RPSA2: variants seen among roughly 807,000 people sequenced by gnomAD.
RPSA2 encodes ribosomal protein SA 2.
the RPSA2 span, chr19:23,833,325 C>G: frequency 1.9e-6 from 1 of 514,090 alleles, no homozygotes; most frequent in Middle Eastern, 8.8e-4. Context: ...TGTGTCAAAG[C>G]CTATAAAAAG....
chr19:23,862,092 C>T, the RPSA2 span, among the ~76,000 whole-genome samples: 9 of 152,058 alleles, frequency 5.9e-5, no homozygotes, highest in Non-Finnish European at 1.0e-4. Context: ...AGGTCCTTCA[C>T]GTCCCTTGTA....
chr19:23,760,958 C>G, the RPSA2 span, among the ~76,000 whole-genome samples: 1 of 150,622 alleles, frequency 6.6e-6, no homozygotes, highest in African/African-American at 2.4e-5. Flanking sequence ...AGCTACCATG[C>G]CTGGCAAACA....
chr19:23,850,817 A>C, the RPSA2 span, among the ~76,000 whole-genome samples: 2 of 152,138 alleles, frequency 1.3e-5, no homozygotes, highest in Non-Finnish European at 2.9e-5. Context: ...GAAAGTTTGA[A>C]GTAAACAATG....
chr19:23,833,108 A>T, the RPSA2 span: 2 of 1,249,794 alleles, frequency 1.6e-6, no homozygotes, highest in Middle Eastern at 2.3e-4. Flanking sequence ...TTTACTAAAC[A>T]TAAGGTAATT....
At chr19:23,802,011 A>T in the RPSA2 span, among the ~76,000 whole-genome samples, 4 of 152,242 alleles carry the variant, frequency 2.6e-5, no homozygotes, top group Admixed American at 2.0e-4. Context: ...GAATCTGCAC[A>T]TAAGGTCTGG....
the RPSA2 span, chr19:23,832,299 A>T: frequency 2.2e-6 from 1 of 462,736 alleles, no homozygotes. Flanking sequence ...CTAGAGGGAA[A>T]CATTACAAGT....
chr19:23,799,245 G>A, the RPSA2 span: 1 of 151,936 alleles, frequency 6.6e-6, no homozygotes, highest in African/African-American at 2.4e-5. Context: ...CTGTTTTTCT[G>A]TAGAATGCTT....
At chr19:23,855,801 G>C in the RPSA2 span, among the ~76,000 whole-genome samples, 4 of 152,102 alleles carry the variant, frequency 2.6e-5, no homozygotes, top group Non-Finnish European at 5.9e-5. Context: ...TGACAGGAGG[G>C]TGAGGAGCTG....
chr19:23,865,301 A>G, the RPSA2 span, among the ~76,000 whole-genome samples: 1 of 152,192 alleles, frequency 6.6e-6, no homozygotes, highest in African/African-American at 2.4e-5. Context: ...AACAGTCTGG[A>G]TCTCAAGTTA....
chr19:23,780,041 T>C, the RPSA2 span, among the ~76,000 whole-genome samples: 2 of 152,108 alleles, frequency 1.3e-5, no homozygotes, highest in South Asian at 4.1e-4. Context: ...TCAGCCCAGC[T>C]CACAGGTCTG....
the RPSA2 span, among the ~76,000 whole-genome samples, chr19:23,771,752 C>T: frequency 2.6e-5 from 4 of 152,104 alleles, no homozygotes; most frequent in Non-Finnish European, 5.9e-5. Flanking sequence ...TAATATATTT[C>T]TGGGTCCAGA....
chr19:23,820,389 T>C, the RPSA2 span, among the ~76,000 whole-genome samples: 3 of 152,194 alleles, frequency 2.0e-5, no homozygotes, highest in African/African-American at 7.2e-5. Flanking sequence ...CCATCCTCCT[T>C]CAATATGTTC....
the RPSA2 span, chr19:23,758,920 C>T: frequency 2.5e-6 from 2 of 801,962 alleles, no homozygotes; most frequent in Admixed American, 2.5e-5. Context: ...GGAAGCCGCC[C>T]TGTCTGCTCC....
the RPSA2 span, among the ~76,000 whole-genome samples, chr19:23,797,952 T>C: frequency 6.6e-6 from 1 of 152,214 alleles, no homozygotes; most frequent in Admixed American, 6.5e-5. Context: ...GAAAATATCT[T>C]ACTAAAATCT....
At chr19:23,781,965 T>C in the RPSA2 span, 4 of 155,684 alleles carry the variant, frequency 2.6e-5, no homozygotes, top group African/African-American at 9.6e-5. Flanking sequence ...TATCACAGGG[T>C]GTTGCACCCA....
At chr19:23,812,008 T>C in the RPSA2 span, among the ~76,000 whole-genome samples, 1 of 152,218 alleles carries the variant, frequency 6.6e-6, no homozygotes, top group Non-Finnish European at 1.5e-5. Flanking sequence ...TAATTTAAAA[T>C]GCCTGCCTTC....
chr19:23,840,632 A>G, the RPSA2 span, among the ~76,000 whole-genome samples: 1 of 152,212 alleles, frequency 6.6e-6, no homozygotes. Flanking sequence ...TAGAATGCTT[A>G]AAGAGAGAGT....
At chr19:23,764,800 T>TAA in the RPSA2 span, among the ~76,000 whole-genome samples, 12 of 143,014 alleles carry the variant, frequency 8.4e-5, no homozygotes, top group African/African-American at 2.6e-5. Flanking sequence ...AACTCCACTT[T>TAA]AAAAAAAAAA....
chr19:23,832,870 A>C, the RPSA2 span: 2 of 1,577,216 alleles, frequency 1.3e-6, no homozygotes, highest in Non-Finnish European at 1.7e-6. Flanking sequence ...GAGAATTCAT[A>C]CTGGAGAGAA....
Sources: allele counts gnomAD v4.1 joint callset (sites outside exome capture counted in the v4.1 genomes callset), GRCh38; gene constraint gnomAD v4.1.1; transcripts MANE v1.5; gene names NCBI Gene and HGNC (gene_info 2026-07-23, HGNC 2026-07-21).